Variants in HS6ST3 observed in about 807,000 individuals in gnomAD.
HS6ST3 encodes the protein heparan sulfate 6-O-sulfotransferase 3, also known as heparan-sulfate 6-O-sulfotransferase 3.
A neutral mutation model predicts 36.7 loss-of-function variants in HS6ST3; 12 were observed. The ratio of observed to expected loss-of-function variants is 0.33; its 90% CI spans 0.21 to 0.53. The LOEUF (loss-of-function observed/expected upper bound fraction) is 0.53, where lower values mean the gene tolerates loss of function less well. Ranked by LOEUF, HS6ST3 falls within the 20% of genes least tolerant of loss-of-function variation. HS6ST3 has a pLI of 0.95. For synonymous variants in HS6ST3, 240 were observed against 257.5 expected (o/e 0.93, Z 0.65); for missense variants, 584 against 640.9 (o/e 0.91, Z 0.96).
chr13:96,365,984 A>G (rs1268377897), intron 1 of HS6ST3, among the ~76,000 whole-genome samples: 2 of 152,284 alleles, frequency 1.3e-5, no homozygotes, highest in East Asian at 3.9e-4. Context: ...ATAATTTACA[A>G]AGAAATCCTT....
At chr13:96,631,808 C>T (rs890493488) in intron 1 of HS6ST3, among the ~76,000 whole-genome samples, 3 of 152,118 alleles carry the variant, frequency 2.0e-5, no homozygotes, top group African/African-American at 2.4e-5. Context: ...TTTTCAGTAA[C>T]GAGAGGTCAT....
chr13:96,655,187 C>G (rs2056620498), intron 1 of HS6ST3, among the ~76,000 whole-genome samples: 1 of 152,096 alleles, frequency 6.6e-6, no homozygotes, highest in Admixed American at 6.6e-5. Context: ...TTATTTTATG[C>G]TTTTCAGCTC....
At chr13:96,185,828 AGG>A (rs2054262435) in intron 1 of HS6ST3, among the ~76,000 whole-genome samples, 1 of 152,204 alleles carries the variant, frequency 6.6e-6, no homozygotes, top group African/African-American at 2.4e-5. Context: ...TGCTTGCCTT[AGG>A]TGGTCATGCG....
At chr13:96,305,307 G>A (rs1051338982) in intron 1 of HS6ST3, among the ~76,000 whole-genome samples, 4 of 151,998 alleles carry the variant, frequency 2.6e-5, no homozygotes, top group Non-Finnish European at 4.4e-5. Context: ...AATATTTAAT[G>A]TTACCATACT....
chr13:96,614,963 C>T (rs1051805109), intron 1 of HS6ST3, among the ~76,000 whole-genome samples: 1 of 152,056 alleles, frequency 6.6e-6, no homozygotes, highest in East Asian at 1.9e-4. Flanking sequence ...CTTATCCAAT[C>T]AGTTTATCTG....
At chr13:96,229,583 T>A (rs1366997723) in intron 1 of HS6ST3, among the ~76,000 whole-genome samples, 1 of 152,128 alleles carries the variant, frequency 6.6e-6, no homozygotes, top group Non-Finnish European at 1.5e-5. Flanking sequence ...GAAGATTCCA[T>A]CCCCATGACC....
At chr13:96,221,352 A>G (rs1235283862) in intron 1 of HS6ST3, among the ~76,000 whole-genome samples, 3 of 152,144 alleles carry the variant, frequency 2.0e-5, no homozygotes, top group Non-Finnish European at 2.9e-5. Context: ...GTCATTTTCA[A>G]TTATTTATTG....
intron 1 of HS6ST3, among the ~76,000 whole-genome samples, chr13:96,534,582 G>A (rs1261398973): frequency 6.6e-6 from 1 of 152,204 alleles, no homozygotes; most frequent in Non-Finnish European, 1.5e-5. Context: ...CATTGTGGTT[G>A]TCACTATTTA....
At chr13:96,287,829 A>G (rs567503944) in intron 1 of HS6ST3, among the ~76,000 whole-genome samples, 1 of 149,204 alleles carries the variant, frequency 6.7e-6, no homozygotes, top group Admixed American at 6.6e-5. Flanking sequence ...AGCAACTAAC[A>G]TTTAGTTGCT....
chr13:96,309,587 G>A (rs971606528), intron 1 of HS6ST3, among the ~76,000 whole-genome samples: 5 of 152,100 alleles, frequency 3.3e-5, no homozygotes, highest in Admixed American at 3.3e-4. Flanking sequence ...AATGTTGCTT[G>A]CATGTGCATT....
chr13:96,746,042 C>G (rs979825333), intron 1 of HS6ST3, among the ~76,000 whole-genome samples: 7 of 151,848 alleles, frequency 4.6e-5, no homozygotes, highest in Non-Finnish European at 1.0e-4. Flanking sequence ...AGGACTACAC[C>G]CAAGAAATGC....
At chr13:96,711,164 A>G (rs1033998715) in intron 1 of HS6ST3, among the ~76,000 whole-genome samples, 3 of 152,100 alleles carry the variant, frequency 2.0e-5, no homozygotes, top group East Asian at 1.9e-4. Context: ...CTGCACCTGC[A>G]CCAGGCAGTA....
intron 1 of HS6ST3, among the ~76,000 whole-genome samples, chr13:96,795,007 G>T (rs2138522901): frequency 6.6e-6 from 1 of 152,094 alleles, no homozygotes; most frequent in East Asian, 1.9e-4. Context: ...AAAGCATATT[G>T]ATTTTCATCT....
At chr13:96,173,527 TA>T (rs906981910) in intron 1 of HS6ST3, among the ~76,000 whole-genome samples, 57 of 152,200 alleles carry the variant, frequency 3.7e-4, no homozygotes, top group African/African-American at 1.4e-3. Flanking sequence ...ACCAAGGAGA[TA>T]AAACCTATTA....
At chr13:96,517,204 C>T (rs2056076006) in intron 1 of HS6ST3, among the ~76,000 whole-genome samples, 2 of 114,490 alleles carry the variant, frequency 1.7e-5, no homozygotes, top group African/African-American at 6.0e-5. Flanking sequence ...CATAGGGAGA[C>T]CCCTGTTCCT....
intron 1 of HS6ST3, among the ~76,000 whole-genome samples, chr13:96,754,500 C>G (rs1309224995): frequency 6.6e-6 from 1 of 152,140 alleles, no homozygotes; most frequent in Non-Finnish European, 1.5e-5. Context: ...ACTTGAGTAC[C>G]AAGGGTATAA....
chr13:96,583,949 A>G (rs1229225362), intron 1 of HS6ST3, among the ~76,000 whole-genome samples: 1 of 152,190 alleles, frequency 6.6e-6, no homozygotes, highest in Non-Finnish European at 1.5e-5. Flanking sequence ...TATTAGTGAC[A>G]ATTAAAAATG....
chr13:96,285,904 T>G (rs1395364554), intron 1 of HS6ST3, among the ~76,000 whole-genome samples: 1 of 149,960 alleles, frequency 6.7e-6, no homozygotes, highest in Non-Finnish European at 1.5e-5. Flanking sequence ...TCTTTCCCTC[T>G]CTCTCTCCCC....
chr13:96,720,587 G>A (rs1875818724), intron 1 of HS6ST3, among the ~76,000 whole-genome samples: 1 of 152,152 alleles, frequency 6.6e-6, no homozygotes, highest in East Asian at 1.9e-4. Context: ...TATCTGGTTA[G>A]CTATAGTTAT....
Sources: allele counts gnomAD v4.1 joint callset (sites outside exome capture counted in the v4.1 genomes callset), GRCh38; gene constraint gnomAD v4.1.1; transcripts MANE v1.5; gene names NCBI Gene and HGNC (gene_info 2026-07-23, HGNC 2026-07-21).